Variants in OSBPL2 observed in about 807,000 individuals in gnomAD.
OSBPL2 encodes the protein oxysterol binding protein like 2, also known as oxysterol-binding protein-related protein 2.
Under a neutral mutation model 58.4 loss-of-function variants are expected in OSBPL2, and 18 were observed. That is an observed-to-expected ratio of 0.31 (90% CI 0.21 to 0.46). OSBPL2 has a LOEUF of 0.46. Ranked by LOEUF, OSBPL2 falls within the 20% of genes least tolerant of loss-of-function variation. The pLI, the probability that OSBPL2 is intolerant of heterozygous loss-of-function variation, is 1.00. For missense variants in OSBPL2, 461 were observed against 616.5 expected, an observed-to-expected ratio of 0.75 and a Z score of 2.67; for synonymous variants, 221 against 234.1, an observed-to-expected ratio of 0.94 and a Z score of 0.51.
chr20:62,277,356 A>G (rs1474622562), intron 6 of OSBPL2, among the ~76,000 whole-genome samples: 2 of 152,280 alleles, frequency 1.3e-5, no homozygotes, highest in Non-Finnish European at 2.9e-5. Context: ...TGGGCTGGGT[A>G]GAGCGGGGCG....
chr20:62,252,197 T>C (rs1330630652), intron 1 of OSBPL2, among the ~76,000 whole-genome samples: 3 of 152,132 alleles, frequency 2.0e-5, no homozygotes, highest in Admixed American at 6.5e-5. Flanking sequence ...ATGTCTTTTT[T>C]TTAAAGACAG....
At chr20:62,276,677 T>C (rs1232360178) in intron 6 of OSBPL2, among the ~76,000 whole-genome samples, 1 of 152,160 alleles carries the variant, frequency 6.6e-6, no homozygotes, top group Non-Finnish European at 1.5e-5. Flanking sequence ...AGCAGGCAAC[T>C]GTCGGTCTTG....
intron 1 of OSBPL2, among the ~76,000 whole-genome samples, chr20:62,249,703 T>C (rs1165314639): frequency 6.6e-6 from 1 of 151,992 alleles, no homozygotes; most frequent in Non-Finnish European, 1.5e-5. Context: ...GCCTCCCGAG[T>C]AGCTGGGATT....
intron 11 of OSBPL2, among the ~76,000 whole-genome samples, chr20:62,287,065 C>T (rs748655280): frequency 9.9e-5 from 15 of 152,246 alleles, no homozygotes; most frequent in Non-Finnish European, 1.9e-4. Context: ...TGGCCATTGC[C>T]GGCCAAGTGC....
chr20:62,253,703 GGA>G (rs1980724468), intron 1 of OSBPL2, among the ~76,000 whole-genome samples: 1 of 149,170 alleles, frequency 6.7e-6, no homozygotes, highest in Non-Finnish European at 1.5e-5. Flanking sequence ...GAGAGAGAGA[GGA>G]GAGAGGGAAA....
At chr20:62,247,578 T>C (rs1411515870) in intron 1 of OSBPL2, among the ~76,000 whole-genome samples, 1 of 152,068 alleles carries the variant, frequency 6.6e-6, no homozygotes, top group African/African-American at 2.4e-5. Context: ...TTCTTTGACC[T>C]GTCAGGAGGA....
chr20:62,285,493 T>C (rs1276161561), intron 10 of OSBPL2: 1 of 152,212 alleles, frequency 6.6e-6, no homozygotes, highest in Non-Finnish European at 1.5e-5. Flanking sequence ...CTAGGACCCA[T>C]TTATTTTGAG....
At chr20:62,254,164 C>CA (rs905879062) in intron 1 of OSBPL2, among the ~76,000 whole-genome samples, 10 of 152,212 alleles carry the variant, frequency 6.6e-5, no homozygotes, top group Admixed American at 3.9e-4. Flanking sequence ...GCAGAGCCCT[C>CA]ACAGTCCCAC....
At chr20:62,286,448 T>TA in intron 10 of OSBPL2, 135 bp from the exon 11 acceptor site, 1 of 931,660 alleles carries the variant, frequency 1.1e-6, no homozygotes, top group Non-Finnish European at 1.6e-6. Context: ...AGACTCCGTC[T>TA]GAAAAAAAAA....
intron 1 of OSBPL2, among the ~76,000 whole-genome samples, chr20:62,253,908 C>T (rs1980746561): frequency 6.6e-6 from 1 of 152,142 alleles, no homozygotes; most frequent in African/African-American, 2.4e-5. Flanking sequence ...TCACCTGTCT[C>T]AGCCTCCCAA....
intron 1 of OSBPL2, among the ~76,000 whole-genome samples, chr20:62,250,438 C>T (rs1300614505): frequency 6.6e-6 from 1 of 152,148 alleles, no homozygotes; most frequent in African/African-American, 2.4e-5. Flanking sequence ...GGAAAGCCCT[C>T]CCCAGGTGGG....
In OSBPL2 at chr20:62,294,740, G is replaced by GT. The variant is rs1345757746; in HGVS notation, c.*853_*854insT. 1 of 152,148 alleles carries GT rather than the reference G, an allele frequency of 6.6e-6. No individual in the cohort carries two copies. The highest frequency in any genetic ancestry group is 2.1e-4 in the South Asian group (1 of 4,830). The allele number at this position is 152,148 out of a possible 1,614,324, so 9.4% of individuals were successfully genotyped here. On this transcript the variant is annotated 3_prime_UTR_variant, in exon 14 of 14. Transcript: ENST00000313733. ...GGGGGTTCCTTTCTTCTCACACGTC[G>GT]CGTGTACCCATAGCACTCTTGTGTT... is the stretch of plus-strand genomic sequence containing the variant.
chr20:62,289,967 A>G lies in OSBPL2; in HGVS notation c.1249+637A>G, dbSNP rs868445293. 3.3e-5 allele frequency among the ~76,000 whole-genome samples: 5 copies of G among 152,212 alleles called. 1 individual carries two copies. Among genetic ancestry groups the G allele is most frequent in the Non-Finnish European group, 7.3e-5 (5 of 68,038 alleles). ...ACAAAGTACAAGTTCCTAATTTGTT[A>G]TTATTAAATTAAACAAAAGTTAAGA... On this transcript the variant is annotated intron_variant, in intron 12 of 13. Transcript: ENST00000313733.
chr20:62,242,844 C>T (rs964382415), intron 1 of OSBPL2, among the ~76,000 whole-genome samples: 6 of 152,092 alleles, frequency 3.9e-5, no homozygotes, highest in African/African-American at 1.2e-4. Flanking sequence ...TGGGCTCATA[C>T]GGGGAGTTCT....
chr20:62,251,865 C>CTTTTTTTTTTT lies in OSBPL2; in HGVS notation c.-128-4171_-128-4161dup, dbSNP rs147891445. Among the ~76,000 whole-genome samples, 6 of 41,770 alleles carry CTTTTTTTTTTT rather than the reference C, an allele frequency of 1.4e-4. 2 individuals are homozygous for CTTTTTTTTTTT. The highest frequency in any genetic ancestry group is 4.4e-4 in the Admixed American group (1 of 2,290). The allele number at this position is 41,770 out of a possible 152,430, so 27.4% of individuals were successfully genotyped here. ...TCAAGCGTCATTTTAATTGGTATGC[C>CTTTTTTTTTTT]TTTTTTTTTTTTTTTTTTTTTTTTT... On this transcript the variant is annotated intron_variant, in intron 1 of 13. Coordinates refer to ENST00000313733, the MANE Select transcript of OSBPL2 (RefSeq NM_144498.4).
At chr20:62,291,893 A>C (rs2145982465) in intron 13 of OSBPL2, 100 bp downstream of exon 13, 1 of 1,171,296 alleles carries the variant, frequency 8.5e-7, no homozygotes, top group African/African-American at 1.5e-5. Flanking sequence ...GACGGCGGGG[A>C]GGCCCCACAC....
chr20:62,282,194 A>G (rs1982839589), intron 9 of OSBPL2: 1 of 221,712 alleles, frequency 4.5e-6, no homozygotes, highest in African/African-American at 2.3e-5. Flanking sequence ...GTTTCGCAGC[A>G]GAGCTGAGGT....
intron 1 of OSBPL2, among the ~76,000 whole-genome samples, chr20:62,253,285 G>A (rs759949103): frequency 1.3e-5 from 2 of 152,166 alleles, no homozygotes; most frequent in Non-Finnish European, 2.9e-5. Flanking sequence ...GTGTAGGGAA[G>A]GCAGGATGCT....
intron 13 of OSBPL2, among the ~76,000 whole-genome samples, chr20:62,292,355 A>T (rs1983576394): frequency 6.6e-6 from 1 of 152,184 alleles, no homozygotes; most frequent in Non-Finnish European, 1.5e-5. Flanking sequence ...ACTCAGGCTG[A>T]TCTTCACCCC....
Sources: gnomAD v4.1 joint callset for allele counts (sites outside exome capture counted in the v4.1 genomes callset) on GRCh38, gnomAD v4.1.1 for gene constraint, MANE v1.5 for transcripts, NCBI Gene and HGNC (gene_info 2026-07-23, HGNC 2026-07-21) for gene names.